Variants in CAMTA1 observed in about 807,000 individuals in gnomAD.
The protein encoded by CAMTA1 is calmodulin binding transcription activator 1, also known as calmodulin-binding transcription activator 1.
Under a neutral mutation model 170.9 loss-of-function variants are expected in CAMTA1, and 27 were observed. The observed-to-expected ratio is 0.16, with a 90% CI of 0.12 to 0.22. CAMTA1 has a LOEUF of 0.22. Ranked by LOEUF, CAMTA1 falls within the 10% of genes least tolerant of loss-of-function variation. CAMTA1 has a pLI of 1.00. For missense variants in CAMTA1, 1,619 were observed against 2,217.2 expected, an observed-to-expected ratio of 0.73 and a Z score of 5.42; for synonymous variants, 833 against 891.5, an observed-to-expected ratio of 0.93 and a Z score of 1.17.
rs373797250 is a variant in CAMTA1, at chr1:7,081,615, C to T, written c.235-9689C>T. The stretch of plus-strand genomic sequence containing the variant: ...ACCCAGTTTCCAATGCCATAAATAT[C>T]AGAGTAGGGGCCCCAAGGTCAAGGG... On this transcript the variant is annotated intron_variant, in intron 3 of 22. Coordinates refer to ENST00000303635, the MANE Select transcript of CAMTA1 (RefSeq NM_015215.4). Among the ~76,000 whole-genome samples the T allele has an allele frequency of 5.6e-4, 85 of 152,258 alleles. 3 individuals carry two copies. In the South Asian group the frequency reaches 0.017, roughly 30 times the overall value.
intron 4 of CAMTA1, among the ~76,000 whole-genome samples, chr1:7,101,795 T>C (rs1642742429): frequency 1.4e-5 from 2 of 143,648 alleles, no homozygotes; most frequent in Admixed American, 1.4e-4. Context: ...ACAATACATG[T>C]GTGCACACAG....
chr1:6,980,136 C>T (rs1694180884), intron 3 of CAMTA1, among the ~76,000 whole-genome samples: 1 of 152,230 alleles, frequency 6.6e-6, no homozygotes, highest in Non-Finnish European at 1.5e-5. Context: ...GGAGCACTTA[C>T]TGGAGAAGCT....
Position 7,606,703 on chromosome 1 carries a change from G to A in CAMTA1, c.511-33697G>A, listed in dbSNP as rs116179750. On this transcript the variant is annotated intron_variant, in intron 6 of 22. Transcript: ENST00000303635. ...GCACAAGCGTGTCCTCCTCTCCAGG[G>A]GATGGGAACATGGAGGATGGTTCCC... Among the ~76,000 whole-genome samples, 510 of 152,282 alleles carry A rather than the reference G, an allele frequency of 3.3e-3. 3 individuals are homozygous for A. The highest frequency in any genetic ancestry group is 0.012 in the African/African-American group (481 of 41,544).
intron 5 of CAMTA1, among the ~76,000 whole-genome samples, chr1:7,420,601 C>T (rs2091499158): frequency 6.6e-6 from 1 of 152,136 alleles, no homozygotes; most frequent in African/African-American, 2.4e-5. Context: ...AGCTTCTCCA[C>T]AGAGCTGCGA....
chr1:7,448,431 C>G (rs1016746658), intron 5 of CAMTA1, among the ~76,000 whole-genome samples: 14 of 152,170 alleles, frequency 9.2e-5, no homozygotes, highest in African/African-American at 3.1e-4. Context: ...CAGCTGAGGC[C>G]TCTGTGGAGG....
intron 3 of CAMTA1, among the ~76,000 whole-genome samples, chr1:7,043,722 T>TTTCGTC (rs1704864816): frequency 6.6e-6 from 1 of 152,194 alleles, no homozygotes; most frequent in Non-Finnish European, 1.5e-5. Context: ...GGGAAGCTGT[T>TTTCGTC]TTCGTCTTCG....
intron 7 of CAMTA1, among the ~76,000 whole-genome samples, chr1:7,660,772 G>A (rs1452565946): frequency 6.6e-6 from 1 of 152,098 alleles, no homozygotes; most frequent in African/African-American, 2.4e-5. Context: ...TCCGTATCTC[G>A]ACCCTGTGCC....
intron 6 of CAMTA1, among the ~76,000 whole-genome samples, chr1:7,488,238 G>A (rs866848258): frequency 3.3e-5 from 5 of 152,336 alleles, no homozygotes; most frequent in Middle Eastern, 3.4e-3. Context: ...TCCAGCAGCA[G>A]CGCCTGGACA....
intron 3 of CAMTA1, among the ~76,000 whole-genome samples, chr1:7,012,373 G>T (rs1699925489): frequency 6.6e-6 from 1 of 152,102 alleles, no homozygotes; most frequent in Admixed American, 6.6e-5. Context: ...TCCCTGTGAG[G>T]CCCTGGCTCT....
chr1:6,827,548 T>A (rs1403380997), intron 3 of CAMTA1, among the ~76,000 whole-genome samples: 2 of 150,834 alleles, frequency 1.3e-5, no homozygotes, highest in Non-Finnish European at 2.9e-5. Flanking sequence ...TTTTTTTTTT[T>A]AAACTGGCTT....
chr1:7,060,295 C>T (rs548813413), intron 3 of CAMTA1, among the ~76,000 whole-genome samples: 9 of 152,212 alleles, frequency 5.9e-5, no homozygotes, highest in Non-Finnish European at 7.3e-5. Flanking sequence ...GGCCTGCAGA[C>T]GGTGTCTTCT....
At chr1:7,613,466 T>C (rs1434592861) in intron 6 of CAMTA1, among the ~76,000 whole-genome samples, 2 of 152,062 alleles carry the variant, frequency 1.3e-5, no homozygotes, top group Non-Finnish European at 2.9e-5. Context: ...GGACAATCCC[T>C]GGAGCTGAGC....
rs111757038 is a variant in CAMTA1, at chr1:7,561,882, G to T, written c.511-78518G>T. Among the ~76,000 whole-genome samples the T allele has an allele frequency of 6.6e-6, 1 of 152,242 alleles. No homozygotes were observed. The highest frequency in any genetic ancestry group is 6.5e-5 in the Admixed American group (1 of 15,302). On this transcript the variant is annotated intron_variant, in intron 6 of 22. Transcript: ENST00000303635. This position sits in a 1 kb window ranked among gnomAD's most constrained non-coding sequence, Gnocchi z 5.3. ...CGGCCTGGAGGAGGAAGCCATCCTC[G>T]AGGCAGCCTTCACCAGCATGTGTCA... is the stretch of plus-strand genomic sequence containing the variant.
chr1:6,963,777 T>C (rs1309162102), intron 3 of CAMTA1, among the ~76,000 whole-genome samples: 1 of 152,114 alleles, frequency 6.6e-6, no homozygotes, highest in Non-Finnish European at 1.5e-5. Flanking sequence ...CTTTGCGGAC[T>C]GGAGGTGGCG....
intron 4 of CAMTA1, among the ~76,000 whole-genome samples, chr1:7,112,378 C>T (rs1407083075): frequency 6.6e-6 from 1 of 152,210 alleles, no homozygotes; most frequent in African/African-American, 2.4e-5. Flanking sequence ...CCTCAAAGAG[C>T]TTGGCCATTC....
intron 3 of CAMTA1, among the ~76,000 whole-genome samples, chr1:6,869,440 C>A (rs1208541661): frequency 1.3e-5 from 2 of 152,202 alleles, no homozygotes; most frequent in African/African-American, 4.8e-5. Flanking sequence ...TATATACTTG[C>A]CTCAGCAAAC....
Position 6,965,747 on chromosome 1 carries a change from C to T in CAMTA1, c.235-125557C>T, listed in dbSNP as rs187787321. Among the ~76,000 whole-genome samples, 92 of 152,238 alleles carry T rather than the reference C, an allele frequency of 6.0e-4. 1 individual carries two copies. The highest frequency in any genetic ancestry group is 9.1e-4 in the Non-Finnish European group (62 of 68,034). On this transcript the variant is annotated intron_variant, in intron 3 of 22. Transcript: ENST00000303635. This position sits in a 1 kb window ranked among gnomAD's most constrained non-coding sequence, Gnocchi z 4.1. ...GCTTTGGGAGTTATTAGAGTTAGTG[C>T]CGGTTGTGACAAAAGCTGCATTTGC...
chr1:7,250,644 C>T (rs946810842), intron 5 of CAMTA1, among the ~76,000 whole-genome samples: 10 of 152,120 alleles, frequency 6.6e-5, no homozygotes, highest in South Asian at 2.1e-4. Context: ...TGACTTTTTC[C>T]GTATAAATCA....
chr1:7,330,253 A>C (rs543788716), intron 5 of CAMTA1, among the ~76,000 whole-genome samples: 1 of 152,320 alleles, frequency 6.6e-6, no homozygotes, highest in Non-Finnish European at 1.5e-5. Context: ...TGGTGAAATA[A>C]CAGAGGGTCC....
Sources: allele counts gnomAD v4.1 joint callset (sites outside exome capture counted in the v4.1 genomes callset), GRCh38; gene constraint gnomAD v4.1.1; non-coding constraint Gnocchi (gnomAD v3.1); transcripts MANE v1.5; gene names NCBI Gene and HGNC (gene_info 2026-07-23, HGNC 2026-07-21).